Variants in CEP83 observed in about 807,000 individuals in gnomAD.
CEP83 encodes the protein centrosomal protein 83.
In CEP83, 70 loss-of-function variants were observed where a neutral mutation model predicts 101.9. The ratio of observed to expected loss-of-function variants is 0.69; its 90% CI spans 0.57 to 0.84. The LOEUF (loss-of-function observed/expected upper bound fraction) is 0.84, where lower values mean the gene tolerates loss of function less well. Among genes scored for constraint, CEP83 ranks in the 40% least tolerant of loss-of-function variants. CEP83 has a pLI of 0.00. For missense variants in CEP83, 715 were observed against 787.2 expected (o/e 0.91, Z 1.10); for synonymous variants, 264 against 267.9 (o/e 0.99, Z 0.14).
In CEP83 at chr12:94,308,815, A is replaced by G; in HGVS notation, c.2104T>C (p.Ter702ArgextTer17). The G allele has an allele frequency of 3.1e-6, 5 of 1,602,030 alleles. No homozygotes were observed. The highest frequency in any genetic ancestry group is 4.3e-6 in the Non-Finnish European group (5 of 1,169,330). The change falls in exon 17 of 17, where the codon TGA becomes CGA. Residue 702 changes from the stop codon to arginine (R), a stop_lost. Transcript: ENST00000397809. Reference protein sequence around the residue: ...QLEELGSSGE* With the variant: ...QLEELGSSGER ...GATCTGCCTGTTCTCCAAGAACATC[A>G]TTCTCCGGAAGATCCAAGTTCCTCT...
chr12:94,445,826 G>A (rs908965587), intron 1 of CEP83, among the ~76,000 whole-genome samples: 1 of 152,206 alleles, frequency 6.6e-6, no homozygotes, highest in African/African-American at 2.4e-5. Flanking sequence ...GTATGGGTGT[G>A]TATTTAAGTG....
chr12:94,436,062 G>C (rs1412608068), intron 1 of CEP83, among the ~76,000 whole-genome samples: 1 of 150,270 alleles, frequency 6.7e-6, no homozygotes, highest in Non-Finnish European at 1.5e-5. Flanking sequence ...TCACCCTGTG[G>C]GACAAAAAAA....
At chr12:94,272,435 C>T in the CEP83 span, 1 of 152,322 alleles carries the variant, frequency 6.6e-6, no homozygotes, top group Admixed American at 6.5e-5. Context: ...TGCCACATAA[C>T]ATATCCACTT....
chr12:94,321,683 C>T (rs945700823), intron 14 of CEP83, among the ~76,000 whole-genome samples: 1 of 151,724 alleles, frequency 6.6e-6, no homozygotes, highest in Non-Finnish European at 1.5e-5. Context: ...CGTACCAGCC[C>T]CTGGTCCCCA....
At chr12:94,364,525 G>A (rs1385362920) in intron 11 of CEP83, among the ~76,000 whole-genome samples, 1 of 152,030 alleles carries the variant, frequency 6.6e-6, no homozygotes, top group Non-Finnish European at 1.5e-5. Context: ...AACTACTTGG[G>A]AGGCTGAGGC....
At chr12:94,277,758 T>C in the CEP83 span, 3 of 357,202 alleles carry the variant, frequency 8.4e-6, no homozygotes, top group African/African-American at 6.4e-5. Context: ...CCAACAATAG[T>C]AATTGTACAG....
At chr12:94,409,094 T>C (rs542394853) in intron 4 of CEP83, among the ~76,000 whole-genome samples, 6 of 152,116 alleles carry the variant, frequency 3.9e-5, no homozygotes, top group African/African-American at 1.4e-4. Context: ...AAAATAATCA[T>C]CTTTCATAAA....
intron 9 of CEP83, 152 bp downstream of exon 9, chr12:94,369,770 A>G (rs939266074): frequency 3.8e-6 from 2 of 520,096 alleles, no homozygotes; most frequent in East Asian, 3.1e-5. Flanking sequence ...AAAACACTCA[A>G]CATATAATAA....
intron 11 of CEP83, among the ~76,000 whole-genome samples, chr12:94,341,014 T>C (rs1009478834): frequency 5.3e-5 from 8 of 152,258 alleles, no homozygotes; most frequent in African/African-American, 1.9e-4. Flanking sequence ...TTTGTTTGCT[T>C]GCATTAGTTG....
At chr12:94,277,883 A>T in the CEP83 span, 32 of 454,862 alleles carry the variant, frequency 7.0e-5, no homozygotes, top group South Asian at 4.8e-4. Context: ...CGGTACTGTT[A>T]TTACACCCAT....
Position 94,423,797 on chromosome 12 carries a change from C to A in CEP83, c.-101-11206G>T, listed in dbSNP as rs1419590724. 3 of 1,613,712 alleles carry A rather than the reference C, an allele frequency of 1.9e-6. No homozygotes were observed. The Admixed American group carries it at 5.0e-5, about 27-fold the overall frequency. ...CCATGCTCTGAGGGTGTGTCCACTGCCACTTGGTTCTGTTGGCCGCTGCTC... is the reference window on the plus strand; with the variant it reads ...CCATGCTCTGAGGGTGTGTCCACTGACACTTGGTTCTGTTGGCCGCTGCTC... On this transcript the variant is annotated intron_variant, in intron 2 of 16. Transcript: ENST00000397809.
At chr12:94,274,772 T>C in the CEP83 span, among the ~76,000 whole-genome samples, 2 of 152,214 alleles carry the variant, frequency 1.3e-5, no homozygotes, top group Non-Finnish European at 1.5e-5. Context: ...AGTACCCGGT[T>C]CTACCATCTT....
the CEP83 span, among the ~76,000 whole-genome samples, chr12:94,280,603 G>A: frequency 6.6e-6 from 1 of 152,074 alleles, no homozygotes. Flanking sequence ...TCCTTCCTTG[G>A]GTGACCGTTG....
In CEP83 at chr12:94,307,801, T is replaced by TAGTA. The variant is rs896735604; in HGVS notation, c.*1008_*1011dup. ...GCTGTGAATAAGCAGCTATATTATG[T>TAGTA]AGTAAGTAAACCTAGTTTGCTAAAT... On this transcript the variant is annotated 3_prime_UTR_variant, in exon 17 of 17. Transcript: ENST00000397809. 2.6e-5 allele frequency: 4 copies of TAGTA among 152,148 alleles called. No homozygotes were observed. Among genetic ancestry groups the TAGTA allele is most frequent in the African/African-American group, 7.2e-5 (3 of 41,430 alleles). The allele number at this position is 152,148 out of a possible 1,614,324, so 9.4% of individuals were successfully genotyped here.
intron 6 of CEP83, among the ~76,000 whole-genome samples, chr12:94,385,008 TAAAC>T (rs2062054783): frequency 6.6e-6 from 1 of 152,178 alleles, no homozygotes. Context: ...CTCCAGATCT[TAAAC>T]AAAGTTTGTA....
Position 94,377,188 on chromosome 12 carries a change from T to C in CEP83, c.802-1171A>G, listed in dbSNP as rs1033950893. Among the ~76,000 whole-genome samples the C allele has an allele frequency of 5.3e-5, 8 of 152,202 alleles. No individual in the cohort carries two copies. In the South Asian group the frequency reaches 6.2e-4, roughly 12 times the overall value. On this transcript the variant is annotated intron_variant, in intron 7 of 16. Transcript: ENST00000397809. ...CACAAATTGAAAATACCTAAGTCCA[T>C]AACTTAGACTAGCCTAACTTAAGCA...
At chr12:94,301,590 C>T (rs1258328190), downstream of CEP83, among the ~76,000 whole-genome samples, 2 of 152,090 alleles carry the variant, frequency 1.3e-5, no homozygotes, top group Admixed American at 6.5e-5. Context: ...TCAGAGCAAA[C>T]TTCGAAAGAG....
intron 14 of CEP83, among the ~76,000 whole-genome samples, chr12:94,317,962 G>A (rs1310429782): frequency 1.3e-5 from 2 of 152,130 alleles, no homozygotes; most frequent in African/African-American, 4.8e-5. Flanking sequence ...CATGAAGAAT[G>A]CCATTGGTAG....
intron 14 of CEP83, among the ~76,000 whole-genome samples, chr12:94,316,389 GCA>G (rs1219744313): frequency 1.3e-5 from 2 of 149,588 alleles, no homozygotes; most frequent in Admixed American, 6.7e-5. Flanking sequence ...TTTTATGCAT[GCA>G]CAGTGACATC....
Sources: gnomAD v4.1 joint callset for allele counts (sites outside exome capture counted in the v4.1 genomes callset) on GRCh38, gnomAD v4.1.1 for gene constraint, MANE v1.5 for transcripts, NCBI Gene and HGNC (gene_info 2026-07-23, HGNC 2026-07-21) for gene names.